Variants in MIPOL1 observed in about 807,000 individuals in gnomAD.
MIPOL1 encodes mirror-image polydactyly 1.
MIPOL1 carries 57 observed loss-of-function variants against 60.9 expected under a neutral mutation model. The observed-to-expected ratio is 0.94, with a 90% CI of 0.76 to 1.17. MIPOL1 has a LOEUF of 1.17. Among genes scored for constraint, MIPOL1 ranks in the 50% most tolerant of loss-of-function variants. The pLI is 0.00. For missense variants in MIPOL1, 551 were observed against 511.6 expected (o/e 1.08, Z -0.74); for synonymous variants, 179 against 168.8 (o/e 1.06, Z -0.47).
At chr14:37,337,094 T>C (rs985915881) in intron 9 of MIPOL1, among the ~76,000 whole-genome samples, 1 of 151,640 alleles carries the variant, frequency 6.6e-6, no homozygotes, top group Non-Finnish European at 1.5e-5. Flanking sequence ...TTTTCCCCCT[T>C]GGTTGTAGTA....
chr14:37,294,469 A>G (rs2085422208), intron 7 of MIPOL1, among the ~76,000 whole-genome samples: 1 of 152,186 alleles, frequency 6.6e-6, no homozygotes, highest in Non-Finnish European at 1.5e-5. Context: ...GAATGACTTG[A>G]CGAATTGAGA....
At chr14:37,309,455 G>A (rs1461699754) in intron 9 of MIPOL1, among the ~76,000 whole-genome samples, 4 of 151,946 alleles carry the variant, frequency 2.6e-5, no homozygotes, top group African/African-American at 4.8e-5. Flanking sequence ...GCCTACTCCT[G>A]TCATAATTCT....
intron 3 of MIPOL1, among the ~76,000 whole-genome samples, chr14:37,263,133 A>C (rs1184829788): frequency 2.6e-5 from 4 of 152,208 alleles, no homozygotes; most frequent in Admixed American, 1.3e-4. Context: ...CTTTCCTAGA[A>C]TAGGCAATGG....
intron 7 of MIPOL1, among the ~76,000 whole-genome samples, chr14:37,306,189 C>T (rs2153432387): frequency 6.6e-6 from 1 of 151,924 alleles, no homozygotes; most frequent in East Asian, 1.9e-4. Flanking sequence ...TCATCTTCCT[C>T]TCCTTAAAGT....
intron 11 of MIPOL1, among the ~76,000 whole-genome samples, chr14:37,423,309 A>G (rs1328895823): frequency 6.7e-6 from 1 of 149,456 alleles, no homozygotes; most frequent in Non-Finnish European, 1.5e-5. Context: ...TATACATATA[A>G]ATGTAATATA....
intron 11 of MIPOL1, among the ~76,000 whole-genome samples, chr14:37,488,009 T>A (rs2094980025): frequency 6.6e-6 from 1 of 152,224 alleles, no homozygotes; most frequent in Non-Finnish European, 1.5e-5. Context: ...TTTAAATGTG[T>A]CCCAGAGTTT....
chr14:37,361,587 C>G (rs2092245157), intron 9 of MIPOL1, among the ~76,000 whole-genome samples: 1 of 139,898 alleles, frequency 7.1e-6, no homozygotes, highest in African/African-American at 2.6e-5. Context: ...ATGTGATGGC[C>G]TTTTTTGTTT....
rs2087973686 is a variant in MIPOL1, at chr14:37,316,926, C to T, written c.828+8407C>T. 1.3e-5 allele frequency among the ~76,000 whole-genome samples: 2 copies of T among 151,820 alleles called. 1 individual carries two copies. The highest frequency in any genetic ancestry group is 1.3e-4 in the Admixed American group (2 of 15,238). On this transcript the variant is annotated intron_variant, in intron 9 of 12. Transcript: ENST00000684589. ...CCAGGAGGCGGAGGTTGCAGTGAGC[C>T]GAGATTGTGTCATTGCACTCCAGCC... is the stretch of plus-strand genomic sequence containing the variant.
At position 37,411,377 on chromosome 14, in the gene MIPOL1, C is replaced by T. The variant is rs10133340; in HGVS notation, c.937-11478C>T. Among the ~76,000 whole-genome samples, 302 of 152,188 alleles carry T rather than the reference C, an allele frequency of 2.0e-3. 1 individual carries two copies. Among genetic ancestry groups the T allele is most frequent in the African/African-American group, 6.9e-3 (286 of 41,528 alleles). On this transcript the variant is annotated intron_variant, in intron 10 of 12. Coordinates refer to ENST00000684589, the MANE Select transcript of MIPOL1 (RefSeq NM_001388067.1). ...CTCTAAAGAACCTGTTCTAGAAAAGCGTGTATTTTAGATATTTTCTTTCAT... is the reference window on the plus strand; with the variant it reads ...CTCTAAAGAACCTGTTCTAGAAAAGTGTGTATTTTAGATATTTTCTTTCAT...
intron 10 of MIPOL1, among the ~76,000 whole-genome samples, chr14:37,412,369 A>T (rs2093693775): frequency 6.6e-6 from 1 of 151,788 alleles, no homozygotes; most frequent in Admixed American, 6.6e-5. Flanking sequence ...TAGTTGTCAT[A>T]AAAAAAAGGC....
At chr14:37,551,922 A>G (rs1594955113), downstream of MIPOL1, 2 of 143,100 alleles carry the variant, frequency 1.4e-5, no homozygotes, top group Admixed American at 1.4e-4. Context: ...ATAATAATAG[A>G]CTGACTCAAA....
At chr14:37,320,446 A>G (rs1450994530) in intron 9 of MIPOL1, among the ~76,000 whole-genome samples, 1 of 151,838 alleles carries the variant, frequency 6.6e-6, no homozygotes, top group East Asian at 1.9e-4. Context: ...CCATTTTGAT[A>G]TCTTCTTTTG....
At chr14:37,379,709 T>TGGTGGTAG (rs1216955981) in intron 10 of MIPOL1, among the ~76,000 whole-genome samples, 1 of 152,068 alleles carries the variant, frequency 6.6e-6, no homozygotes, top group East Asian at 1.9e-4. Context: ...TTCAGTTCAT[T>TGGTGGTAG]GGTGGTAGTG....
chr14:37,375,835 C>T (rs2153503950), intron 10 of MIPOL1, among the ~76,000 whole-genome samples: 1 of 152,130 alleles, frequency 6.6e-6, no homozygotes, highest in South Asian at 2.1e-4. Flanking sequence ...AGTTCTCCTG[C>T]CTCAGCTTGC....
At chr14:37,250,818 C>G (rs1973961938) in intron 3 of MIPOL1, among the ~76,000 whole-genome samples, 1 of 151,942 alleles carries the variant, frequency 6.6e-6, no homozygotes, top group Admixed American at 6.6e-5. Context: ...ACAGATATGC[C>G]TTTATTTCAT....
intron 3 of MIPOL1, among the ~76,000 whole-genome samples, chr14:37,259,365 A>G (rs1052463911): frequency 6.6e-6 from 1 of 151,906 alleles, no homozygotes; most frequent in Non-Finnish European, 1.5e-5. Flanking sequence ...GGAGTTCGAG[A>G]CCAGCCTGGG....
intron 9 of MIPOL1, among the ~76,000 whole-genome samples, chr14:37,342,512 C>T (rs924061940): frequency 1.3e-5 from 2 of 151,780 alleles, no homozygotes; most frequent in African/African-American, 4.8e-5. Context: ...GTTCTCCTGC[C>T]TCAGCCTCCC....
chr14:37,448,338 C>T (rs999242840), intron 11 of MIPOL1, among the ~76,000 whole-genome samples: 22 of 152,206 alleles, frequency 1.4e-4, no homozygotes, highest in Non-Finnish European at 1.8e-4. Flanking sequence ...AAGTAAGAAA[C>T]GTGAATCAAC....
intron 12 of MIPOL1, among the ~76,000 whole-genome samples, chr14:37,536,292 C>T (rs895476194): frequency 3.3e-5 from 5 of 152,098 alleles, no homozygotes; most frequent in African/African-American, 9.7e-5. Flanking sequence ...ATAAGAGGGA[C>T]GTGTAAGGGG....
Sources: allele counts gnomAD v4.1 joint callset (sites outside exome capture counted in the v4.1 genomes callset), GRCh38; gene constraint gnomAD v4.1.1; transcripts MANE v1.5; gene names NCBI Gene and HGNC (gene_info 2026-07-23, HGNC 2026-07-21).